Variants in PGAP4 observed in about 807,000 individuals in gnomAD.
The protein encoded by PGAP4 is GPI-N-acetylgalactosamine transferase PGAP4.
PGAP4 carries 12 observed loss-of-function variants against 28.2 expected under a neutral mutation model. The ratio of observed to expected loss-of-function variants is 0.42; its 90% CI spans 0.27 to 0.69. The LOEUF is 0.69. Ranked by LOEUF, PGAP4 falls within the 30% of genes least tolerant of loss-of-function variation. The pLI is 0.22. For synonymous variants in PGAP4, 205 were observed against 211.8 expected, an observed-to-expected ratio of 0.97 and a Z score of 0.28; for missense variants, 425 against 513.5, an observed-to-expected ratio of 0.83 and a Z score of 1.67.
Position 101,473,367 on chromosome 9 carries a change from G to A in PGAP4, c.*2514C>T, listed in dbSNP as rs1186273235. On this transcript the variant is annotated 3_prime_UTR_variant, in exon 2 of 2. Coordinates refer to ENST00000374848, the MANE Select transcript of PGAP4 (RefSeq NM_032342.3). ...TTAGTTCTCCCTAGCCCCTTGCTTAGGATTAAGTGAGAGACTTCAGCTTTG... is the reference window on the plus strand; with the variant it reads ...TTAGTTCTCCCTAGCCCCTTGCTTAAGATTAAGTGAGAGACTTCAGCTTTG... 6.6e-6 allele frequency: 1 copy of A among 152,196 alleles called. No homozygotes were observed. The highest frequency in any genetic ancestry group is 1.5e-5 in the Non-Finnish European group (1 of 68,042). The allele number at this position is 152,196 out of a possible 1,614,324, so 9.4% of individuals were successfully genotyped here.
intron 2 of PGAP4, among the ~76,000 whole-genome samples, chr9:101,523,563 T>C (rs1827006294): frequency 6.6e-6 from 1 of 150,558 alleles, no homozygotes; most frequent in Non-Finnish European, 1.5e-5. Flanking sequence ...TTTTCATTGT[T>C]TTTTTTTCTT....
chr9:101,532,907 A>C (rs1588213427), exon 1 of PGAP4: 1 of 152,286 alleles, frequency 6.6e-6, no homozygotes, highest in Non-Finnish European at 1.5e-5. Flanking sequence ...AAGATGCCTA[A>C]ATTCTATTTT....
upstream of PGAP4, among the ~76,000 whole-genome samples, chr9:101,489,877 T>C (rs1174200709): frequency 6.6e-6 from 1 of 152,204 alleles, no homozygotes; most frequent in Non-Finnish European, 1.5e-5. Flanking sequence ...TAAAAAAAGT[T>C]CCAGTAACTA....
intron 2 of PGAP4, among the ~76,000 whole-genome samples, chr9:101,514,371 T>G (rs1174008364): frequency 6.6e-6 from 1 of 152,214 alleles, no homozygotes; most frequent in African/African-American, 2.4e-5. Context: ...CTTCGAAGTT[T>G]TATTTACTTA....
intron 2 of PGAP4, among the ~76,000 whole-genome samples, chr9:101,503,683 G>T (rs1285780796): frequency 1.3e-5 from 2 of 151,934 alleles, no homozygotes; most frequent in East Asian, 3.9e-4. Context: ...GGTAAGAGAG[G>T]TGGTAACCTG....
chr9:101,504,798 A>G (rs1181838813), intron 2 of PGAP4, among the ~76,000 whole-genome samples: 6 of 152,002 alleles, frequency 3.9e-5, no homozygotes, highest in Non-Finnish European at 7.4e-5. Context: ...TTTTATTCTA[A>G]TGGGCTAAGG....
chr9:101,503,701 C>G (rs1331899158), intron 2 of PGAP4, among the ~76,000 whole-genome samples: 2 of 151,798 alleles, frequency 1.3e-5, no homozygotes, highest in Non-Finnish European at 2.9e-5. Flanking sequence ...CTGGGAAAGC[C>G]TGGAAAAAGT....
intron 2 of PGAP4, chr9:101,531,208 A>ACG (rs1827086719): frequency 1.3e-5 from 2 of 150,860 alleles, no homozygotes; most frequent in South Asian, 4.2e-4. Flanking sequence ...ACACACACAC[A>ACG]CACACACACA....
At chr9:101,505,402 A>G (rs367714472) in intron 2 of PGAP4, among the ~76,000 whole-genome samples, 1 of 152,080 alleles carries the variant, frequency 6.6e-6, no homozygotes, top group Admixed American at 6.6e-5. Context: ...TAAAATGGAC[A>G]TTTTAGATTT....
intron 2 of PGAP4, among the ~76,000 whole-genome samples, chr9:101,503,911 A>T (rs1826825196): frequency 6.6e-6 from 1 of 152,034 alleles, no homozygotes; most frequent in Non-Finnish European, 1.5e-5. Context: ...AATTTATAGG[A>T]GGCCATTGTT....
chr9:101,519,240 C>A (rs950406683), intron 2 of PGAP4, among the ~76,000 whole-genome samples: 5 of 152,180 alleles, frequency 3.3e-5, no homozygotes, highest in African/African-American at 1.2e-4. Context: ...TCACTGCAAC[C>A]TCCACCTCCT....
chr9:101,523,374 C>T (rs185460061), intron 2 of PGAP4, among the ~76,000 whole-genome samples: 1 of 152,072 alleles, frequency 6.6e-6, no homozygotes, highest in African/African-American at 2.4e-5. Flanking sequence ...TAACATAATT[C>T]CAGACTTCTT....
chr9:101,491,656 T>G (rs1826690523), upstream of PGAP4, among the ~76,000 whole-genome samples: 1 of 151,582 alleles, frequency 6.6e-6, no homozygotes. Context: ...TATTTTTAAA[T>G]TTTCAAATAT....
At chr9:101,519,957 C>A (rs1404235938) in intron 2 of PGAP4, among the ~76,000 whole-genome samples, 1 of 152,124 alleles carries the variant, frequency 6.6e-6, no homozygotes, top group African/African-American at 2.4e-5. Context: ...ATTATCCCAG[C>A]ACCATTTGTT....
At chr9:101,491,322 C>A (rs1307278316), upstream of PGAP4, among the ~76,000 whole-genome samples, 2 of 152,090 alleles carry the variant, frequency 1.3e-5, no homozygotes, top group Non-Finnish European at 2.9e-5. Context: ...CAACCTGGCA[C>A]CAGCTAGCTG....
chr9:101,497,823 G>A (rs1404804814), intron 2 of PGAP4, among the ~76,000 whole-genome samples: 1 of 151,600 alleles, frequency 6.6e-6, no homozygotes, highest in African/African-American at 2.4e-5. Flanking sequence ...GGTCAACTAA[G>A]CCAGATTTTG....
chr9:101,501,010 A>G (rs1242134923), intron 2 of PGAP4, among the ~76,000 whole-genome samples: 1 of 152,052 alleles, frequency 6.6e-6, no homozygotes, highest in African/African-American at 2.4e-5. Flanking sequence ...ACAGCTATAC[A>G]CCTGTGGAAT....
At chr9:101,514,522 A>T (rs1826927009) in intron 2 of PGAP4, among the ~76,000 whole-genome samples, 1 of 152,012 alleles carries the variant, frequency 6.6e-6, no homozygotes, top group South Asian at 2.1e-4. Context: ...GTGCATGTGC[A>T]TGTGCATGTG....
chr9:101,520,630 G>A (rs982802707), intron 2 of PGAP4, among the ~76,000 whole-genome samples: 3 of 152,024 alleles, frequency 2.0e-5, no homozygotes, highest in Non-Finnish European at 2.9e-5. Context: ...AAGTCCTTAG[G>A]GTTTTCAAGG....
Sources: allele counts gnomAD v4.1 joint callset (sites outside exome capture counted in the v4.1 genomes callset), GRCh38; gene constraint gnomAD v4.1.1; transcripts MANE v1.5; gene names NCBI Gene and HGNC (gene_info 2026-07-23, HGNC 2026-07-21).